MAGI2: variants seen among roughly 807,000 people sequenced by gnomAD.
MAGI2 encodes the protein membrane associated guanylate kinase, WW and PDZ domain containing 2, also known as membrane-associated guanylate kinase, WW and PDZ domain-containing protein 2.
A neutral mutation model predicts 133.3 loss-of-function variants in MAGI2; 35 were observed. The observed-to-expected ratio is 0.26, with a 90% confidence interval of 0.20 to 0.35. MAGI2 has a LOEUF of 0.35. Among genes scored for constraint, MAGI2 ranks in the 10% least tolerant of loss-of-function variants. The pLI is 1.00. For synonymous variants in MAGI2, 729 were observed against 710.6 expected, an observed-to-expected ratio of 1.03 and a Z score of -0.41; for missense variants, 1,636 against 1,863.4, an observed-to-expected ratio of 0.88 and a Z score of 2.25.
intron 1 of MAGI2, among the ~76,000 whole-genome samples, chr7:79,086,857 G>A (rs1189764251): frequency 6.6e-6 from 1 of 151,824 alleles, no homozygotes; most frequent in Non-Finnish European, 1.5e-5. Context: ...GCTGCTGCTA[G>A]ATAAGGGGAA....
chr7:78,697,875 G>T (rs1483789828), intron 2 of MAGI2, among the ~76,000 whole-genome samples: 2 of 151,832 alleles, frequency 1.3e-5, no homozygotes, highest in African/African-American at 4.8e-5. Context: ...ATATACTATA[G>T]TTATTTTCTT....
chr7:78,851,323 CA>C (rs1193735729), intron 2 of MAGI2, among the ~76,000 whole-genome samples: 5 of 152,012 alleles, frequency 3.3e-5, no homozygotes, highest in African/African-American at 1.2e-4. Flanking sequence ...AAGAGTACGG[CA>C]ATATTAATTT....
chr7:78,129,239 A>C (rs112822131), intron 18 of MAGI2, among the ~76,000 whole-genome samples: 8 of 152,372 alleles, frequency 5.3e-5, no homozygotes, highest in African/African-American at 1.9e-4. Context: ...CATCCAGGCC[A>C]TCAGGCACTT....
At chr7:78,901,199 G>A (rs1797596206) in intron 2 of MAGI2, 1 of 152,108 alleles carries the variant, frequency 6.6e-6, no homozygotes, top group African/African-American at 2.4e-5. Flanking sequence ...AAATTCTGTT[G>A]TTAGTGATTT....
At chr7:79,268,524 C>A (rs1834642804) in intron 1 of MAGI2, among the ~76,000 whole-genome samples, 1 of 152,132 alleles carries the variant, frequency 6.6e-6, no homozygotes, top group African/African-American at 2.4e-5. Flanking sequence ...CCTTCAAAAC[C>A]ATATTACTCA....
rs866142969 is a variant in MAGI2, at chr7:78,744,214, C to A, written c.419-116975G>T. ...TCATAGAATTTCTTTATGAATGAGT[C>A]AAATTTTTTCCACGCTAATTTTATA... On this transcript the variant is annotated intron_variant, in intron 2 of 21. Transcript: ENST00000354212. 3.3e-5 allele frequency among the ~76,000 whole-genome samples: 5 copies of A among 152,172 alleles called. 1 individual carries two copies. The highest frequency in any genetic ancestry group is 4.1e-4 in the South Asian group (2 of 4,824).
chr7:79,235,448 T>G (rs901879067), intron 1 of MAGI2, among the ~76,000 whole-genome samples: 1 of 152,132 alleles, frequency 6.6e-6, no homozygotes, highest in South Asian at 2.1e-4. Context: ...TCAGCGAGAC[T>G]CCGTGGGCAT....
intron 2 of MAGI2, among the ~76,000 whole-genome samples, chr7:78,864,377 C>T (rs560734593): frequency 6.6e-6 from 1 of 152,288 alleles, no homozygotes; most frequent in South Asian, 2.1e-4. Context: ...ATACATTAGC[C>T]ATTGAAAATT....
At chr7:78,368,000 T>C (rs904244112) in intron 7 of MAGI2, among the ~76,000 whole-genome samples, 10 of 152,162 alleles carry the variant, frequency 6.6e-5, no homozygotes, top group African/African-American at 2.4e-4. Flanking sequence ...CACCATACAT[T>C]AGATACTATG....
chr7:78,469,700 G>A (rs1418101154), intron 6 of MAGI2, among the ~76,000 whole-genome samples: 2 of 152,040 alleles, frequency 1.3e-5, no homozygotes, highest in Admixed American at 6.6e-5. Context: ...TTGGCCTTAT[G>A]TGGGAAAAAC....
In MAGI2 at chr7:78,430,240, C is replaced by CTTTTTT. The variant is rs545809101; in HGVS notation, c.1045+59515_1045+59520dup. On this transcript the variant is annotated intron_variant, in intron 6 of 21. Transcript: ENST00000354212. ...GTATTACTGTCTGTTCTGGAAAAGC[C>CTTTTTT]TTTTTTTTTTTTTTTTTTTTTTTTT... Among the ~76,000 whole-genome samples, 119 of 76,628 alleles carry CTTTTTT rather than the reference C, an allele frequency of 1.6e-3. 4 individuals carry two copies. Among genetic ancestry groups the CTTTTTT allele is most frequent in the Non-Finnish European group, 1.9e-3 (76 of 40,814 alleles). The allele number at this position is 76,628 out of a possible 152,430, so 50.3% of individuals were successfully genotyped here.
chr7:78,363,229 C>A (rs529993502), intron 7 of MAGI2, among the ~76,000 whole-genome samples: 4 of 152,296 alleles, frequency 2.6e-5, no homozygotes, highest in African/African-American at 9.6e-5. Flanking sequence ...CGCGGTGGCT[C>A]ACACCTGTAA....
intron 2 of MAGI2, among the ~76,000 whole-genome samples, chr7:78,910,465 G>T (rs1377616638): frequency 6.6e-6 from 1 of 152,028 alleles, no homozygotes; most frequent in Non-Finnish European, 1.5e-5. Context: ...CAGAAAATGA[G>T]TAAAGTTTAT....
In MAGI2 at chr7:78,281,936, C is replaced by CCATT. The variant is rs566094018; in HGVS notation, c.1409-25359_1409-25356dup. On this transcript the variant is annotated intron_variant, in intron 9 of 21. Transcript: ENST00000354212. The stretch of plus-strand genomic sequence containing the variant: ...CTGGCTTTCATGTTCCATATTTCTC[C>CCATT]CATTCACTTTCATTTCTTACAGAAT... 1.3e-3 allele frequency among the ~76,000 whole-genome samples: 200 copies of CCATT among 151,248 alleles called. 1 individual carries two copies. The highest frequency in any genetic ancestry group is 3.5e-3 in the Middle Eastern group (1 of 282).
intron 1 of MAGI2, among the ~76,000 whole-genome samples, chr7:79,295,626 T>C (rs938180040): frequency 5.3e-5 from 8 of 151,892 alleles, no homozygotes; most frequent in African/African-American, 1.9e-4. Flanking sequence ...TTTCAAACAA[T>C]GGCTTATATC....
At chr7:79,008,176 C>A (rs561926420) in intron 1 of MAGI2, among the ~76,000 whole-genome samples, 3 of 151,916 alleles carry the variant, frequency 2.0e-5, no homozygotes, top group Non-Finnish European at 4.4e-5. Flanking sequence ...GGAAATTGAG[C>A]CAAGACAAAC....
At chr7:79,157,516 A>G (rs1222862992) in intron 1 of MAGI2, among the ~76,000 whole-genome samples, 2 of 151,016 alleles carry the variant, frequency 1.3e-5, no homozygotes, top group Admixed American at 6.6e-5. Flanking sequence ...ACATTGATCC[A>G]CCAGACAAAA....
At chr7:79,222,149 C>A (rs1342414046) in intron 1 of MAGI2, among the ~76,000 whole-genome samples, 1 of 151,926 alleles carries the variant, frequency 6.6e-6, no homozygotes, top group Non-Finnish European at 1.5e-5. Context: ...CCAGAGGAAA[C>A]CAGTCCTTCT....
intron 1 of MAGI2, among the ~76,000 whole-genome samples, chr7:79,204,239 G>T (rs528398676): frequency 3.5e-4 from 53 of 152,206 alleles, no homozygotes; most frequent in Admixed American, 9.2e-4. Flanking sequence ...TGTCAGGAAG[G>T]ATCACACTGT....
Sources: gnomAD v4.1 joint callset for allele counts (sites outside exome capture counted in the v4.1 genomes callset) on GRCh38, gnomAD v4.1.1 for gene constraint, MANE v1.5 for transcripts, NCBI Gene and HGNC (gene_info 2026-07-23, HGNC 2026-07-21) for gene names.